CALN1: variants seen among roughly 807,000 people sequenced by gnomAD.
The protein encoded by CALN1 is calneuron 1, also known as calcium-binding protein 8.
CALN1 carries 17 observed loss-of-function variants against 30.6 expected under a neutral mutation model. The ratio of observed to expected loss-of-function variants is 0.56; its 90% CI spans 0.38 to 0.83. The LOEUF (loss-of-function observed/expected upper bound fraction) is 0.83, where lower values mean the gene tolerates loss of function less well. Ranked by LOEUF, CALN1 falls within the 40% of genes least tolerant of loss-of-function variation. CALN1 has a pLI of 0.00. For synonymous variants in CALN1, 156 were observed against 131.4 expected, an observed-to-expected ratio of 1.19 and a Z score of -1.28; for missense variants, 291 against 354.9, an observed-to-expected ratio of 0.82 and a Z score of 1.45.
intron 5 of CALN1, among the ~76,000 whole-genome samples, chr7:72,008,500 G>A (rs1458127434): frequency 6.6e-6 from 1 of 151,776 alleles, no homozygotes; most frequent in Non-Finnish European, 1.5e-5. Context: ...AGAAGCAAGA[G>A]AAGGGAAATG....
rs1195913757 is a variant in CALN1, at chr7:72,187,759, T to TA, written c.245-81466dup. Among the ~76,000 whole-genome samples, 9 of 152,170 alleles carry TA rather than the reference T, an allele frequency of 5.9e-5. No individual in the cohort carries two copies. The East Asian group carries it at 1.7e-3, about 29-fold the overall frequency. On this transcript the variant is annotated intron_variant, in intron 3 of 6. Coordinates refer to ENST00000395275, the MANE Select transcript of CALN1 (RefSeq NM_031468.4). ...TCTTTTCGTGTATACGTGTGATTCT[T>TA]AGTCTTTTCCTTGGAACAAGTCATA...
intron 4 of CALN1, among the ~76,000 whole-genome samples, chr7:72,094,717 G>C (rs1312990585): frequency 6.6e-6 from 1 of 152,160 alleles, no homozygotes; most frequent in Non-Finnish European, 1.5e-5. Flanking sequence ...AGGGAGATAG[G>C]AATGTTGGAG....
intron 5 of CALN1, among the ~76,000 whole-genome samples, chr7:72,008,331 C>A (rs1162597523): frequency 6.6e-6 from 1 of 151,644 alleles, no homozygotes; most frequent in Non-Finnish European, 1.5e-5. Flanking sequence ...AATTATAGAC[C>A]ATATAGTAAG....
chr7:72,053,637 CTA>C (rs1055527595), intron 4 of CALN1, among the ~76,000 whole-genome samples: 2 of 68,338 alleles, frequency 2.9e-5, no homozygotes, highest in African/African-American at 1.2e-4. Flanking sequence ...CAAAGTTTAT[CTA>C]TTTTTTTTAT....
chr7:72,312,394 G>GAA lies in CALN1; in HGVS notation c.120-33586_120-33585dup, dbSNP rs768174448. On this transcript the variant is annotated intron_variant, in intron 2 of 6. Coordinates refer to ENST00000395275, the MANE Select transcript of CALN1 (RefSeq NM_031468.4). ...GACAACAGAGTGAGACTTCATCTCA[G>GAA]AAAAAAAAAAAAAAAAAAAAAGTAA... Among the ~76,000 whole-genome samples, 504 of 71,782 alleles carry GAA rather than the reference G, an allele frequency of 7.0e-3. 5 individuals carry two copies. The highest frequency in any genetic ancestry group is 0.02 in the South Asian group (42 of 2,136). 47.1% of individuals were successfully genotyped at this position (71,782 alleles called of 152,430 possible). A position where few individuals can be genotyped will look rare whatever the true frequency, so the allele number is the denominator to read the frequency against.
intron 6 of CALN1, among the ~76,000 whole-genome samples, chr7:71,807,546 G>A (rs1476877061): frequency 1.3e-5 from 2 of 152,154 alleles, no homozygotes; most frequent in Non-Finnish European, 2.9e-5. Flanking sequence ...TATGCAAAAG[G>A]GATTATGTAA....
At chr7:72,205,551 A>AAAAATATACATATATATATATATAT in intron 3 of CALN1, among the ~76,000 whole-genome samples, 2 of 83,042 alleles carry the variant, frequency 2.4e-5, no homozygotes, top group South Asian at 9.7e-4. Context: ...GCAAAAAAAA[A>AAAAATATACATATATATATATATAT]ATATATATAT....
At chr7:72,115,233 T>C (rs1425290234) in intron 3 of CALN1, among the ~76,000 whole-genome samples, 1 of 145,656 alleles carries the variant, frequency 6.9e-6, no homozygotes, top group Non-Finnish European at 1.5e-5. Context: ...CTATATATAA[T>C]ATACAGTGTA....
intron 4 of CALN1, among the ~76,000 whole-genome samples, chr7:72,040,354 G>T (rs1490505804): frequency 4.0e-5 from 6 of 151,890 alleles, no homozygotes; most frequent in African/African-American, 7.3e-5. Context: ...CTGTGATGGT[G>T]TGTGCTTTTA....
In CALN1 at chr7:71,924,518, G is replaced by A. The variant is rs143586243; in HGVS notation, c.501+99139C>T. ...TGAAGAACCAGAACACACCCAATAC[G>A]CTTGAAGTTATAGATGGGGTCTTTC... On this transcript the variant is annotated intron_variant, in intron 5 of 6. Transcript: ENST00000395275. Among the ~76,000 whole-genome samples the A allele has an allele frequency of 8.8e-3, 1,339 of 152,190 alleles. 7 individuals carry two copies. Among genetic ancestry groups the A allele is most frequent in the Non-Finnish European group, 0.012 (833 of 68,006 alleles).
intron 5 of CALN1, among the ~76,000 whole-genome samples, chr7:72,020,660 CCCT>C (rs2129530003): frequency 6.6e-6 from 1 of 152,310 alleles, no homozygotes; most frequent in South Asian, 2.1e-4. Flanking sequence ...ATGGAATTTT[CCCT>C]CCTTTCTCCA....
chr7:72,406,760 G>C (rs1318838356), intron 1 of CALN1, among the ~76,000 whole-genome samples: 2 of 151,874 alleles, frequency 1.3e-5, no homozygotes, highest in African/African-American at 4.8e-5. Context: ...GGGATTACAG[G>C]TGCACACCAC....
intron 3 of CALN1, among the ~76,000 whole-genome samples, chr7:72,258,267 G>C (rs904377110): frequency 6.6e-6 from 1 of 152,104 alleles, no homozygotes; most frequent in African/African-American, 2.4e-5. Context: ...CCTAATTATA[G>C]GCAGGCAATC....
At chr7:72,319,616 AG>A (rs1800731248) in intron 2 of CALN1, among the ~76,000 whole-genome samples, 1 of 152,244 alleles carries the variant, frequency 6.6e-6, no homozygotes, top group Non-Finnish European at 1.5e-5. Context: ...TAGATGGAAC[AG>A]GAGGCCATTA....
chr7:71,999,911 A>G lies in CALN1; in HGVS notation c.501+23746T>C, dbSNP rs558101641. Among the ~76,000 whole-genome samples the G allele has an allele frequency of 1.1e-4, 16 of 152,304 alleles. No individual in the cohort carries two copies. In the South Asian group the frequency reaches 3.1e-3, roughly 30 times the overall value. Reference sequence around the variant, plus strand: ...AAGATATAAATAACTGAAATCACACAGAATATGTTACCTGGCCATAATGAA... The same window carrying G: ...AAGATATAAATAACTGAAATCACACGGAATATGTTACCTGGCCATAATGAA... On this transcript the variant is annotated intron_variant, in intron 5 of 6. Coordinates refer to ENST00000395275, the MANE Select transcript of CALN1 (RefSeq NM_031468.4).
At chr7:72,495,485 C>A in the CALN1 span, among the ~76,000 whole-genome samples, 3 of 152,220 alleles carry the variant, frequency 2.0e-5, no homozygotes, top group African/African-American at 7.2e-5. Flanking sequence ...TTGCAGGGAA[C>A]AAGGCACAGT....
At chr7:72,309,594 G>A (rs185437604) in intron 2 of CALN1, among the ~76,000 whole-genome samples, 47 of 152,204 alleles carry the variant, frequency 3.1e-4, no homozygotes, top group East Asian at 1.2e-3. Context: ...AGCCCTTGGC[G>A]GAGGGCATGG....
chr7:72,165,472 G>A (rs1788455113), intron 3 of CALN1, among the ~76,000 whole-genome samples: 1 of 152,022 alleles, frequency 6.6e-6, no homozygotes, highest in South Asian at 2.1e-4. Context: ...AGGAGGCTGA[G>A]ACAGGAGAAT....
chr7:72,011,199 A>G (rs1800059354), intron 5 of CALN1, among the ~76,000 whole-genome samples: 1 of 152,002 alleles, frequency 6.6e-6, no homozygotes, highest in Non-Finnish European at 1.5e-5. Flanking sequence ...TTAAAATCCT[A>G]TTCACCATGG....
Sources: gnomAD v4.1 joint callset for allele counts (sites outside exome capture counted in the v4.1 genomes callset) on GRCh38, gnomAD v4.1.1 for gene constraint, MANE v1.5 for transcripts, NCBI Gene and HGNC (gene_info 2026-07-23, HGNC 2026-07-21) for gene names.